The following DNAH3 variants were observed in gnomAD, a reference collection of about 807,000 sequenced individuals.
DNAH3 encodes the protein axonemal beta dynein heavy chain 3.
Under a neutral mutation model 432.5 loss-of-function variants are expected in DNAH3, and 332 were observed. The ratio of observed to expected loss-of-function variants is 0.77; its 90% CI spans 0.70 to 0.84. The LOEUF (loss-of-function observed/expected upper bound fraction) is 0.84, where lower values mean the gene tolerates loss of function less well. Ranked by LOEUF, DNAH3 falls within the 40% of genes least tolerant of loss-of-function variation. The probability of loss-of-function intolerance (pLI) is 0.00; values close to 1 mark genes in which losing one functional copy is unlikely to be tolerated. For synonymous variants in DNAH3, 1,956 were observed against 1,900.2 expected (o/e 1.03, Z -0.76); for missense variants, 4,861 against 5,114.0 (o/e 0.95, Z 1.51).
intron 57 of DNAH3, among the ~76,000 whole-genome samples, 183 bp downstream of exon 57, chr16:20,948,300 C>G (rs969977584): frequency 1.3e-5 from 2 of 151,462 alleles, no homozygotes; most frequent in Non-Finnish European, 2.9e-5. Context: ...TACCGACCCC[C>G]TCCTTAAACA....
At position 21,134,440 on chromosome 16, in the gene DNAH3, T is replaced by A. The variant is rs765799634; in HGVS notation, c.901A>T (p.Met301Leu). Reference sequence around the variant, plus strand: ...AGCCGTTTTCTCTCCATTGGGTCCATGAGGATGTAATCAACTACAACCGGA... The same window carrying A: ...AGCCGTTTTCTCTCCATTGGGTCCAAGAGGATGTAATCAACTACAACCGGA... Residue 301 changes from methionine (M) to leucine (L), a missense_variant, in exon 7 of 62, where the codon ATG (methionine) becomes TTG (leucine). Coordinates refer to ENST00000261383, the Ensembl canonical transcript of DNAH3. 53 of 1,613,880 alleles carry A rather than the reference T, an allele frequency of 3.3e-5. No homozygotes were observed. The highest frequency in any genetic ancestry group is 4.2e-5 in the Non-Finnish European group (49 of 1,179,958).
intron 41 of DNAH3, chr16:21,019,181 G>C (rs1379714330): frequency 9.3e-6 from 1 of 107,370 alleles, no homozygotes; most frequent in Non-Finnish European, 1.7e-5. Context: ...TTTTGAGACA[G>C]AGTCTAGCTC....
In DNAH3 at chr16:20,948,686, C is replaced by T. The variant is rs373747278; in HGVS notation, c.11189-49G>A. 1.0e-3 allele frequency: 1,597 copies of T among 1,600,990 alleles called. 2 individuals are homozygous for T. Among genetic ancestry groups the T allele is most frequent in the Non-Finnish European group, 1.0e-3 (1,181 of 1,170,202 alleles). On this transcript the variant is annotated intron_variant, in intron 56 of 61. Transcript: ENST00000261383. ...AGGTTGAGCCCAGGGAAGGTCATCA[C>T]GAGCTTGGTGGTTGATGTAAAACAC...
At chr16:21,050,095 C>G in intron 29 of DNAH3, 77 bp from the exon 30 acceptor site, 1 of 1,090,780 alleles carries the variant, frequency 9.2e-7, no homozygotes, top group Non-Finnish European at 1.3e-6. Context: ...TTTATTTTGA[C>G]TCATACAAAT....
intron 9 of DNAH3, among the ~76,000 whole-genome samples, chr16:21,123,157 G>T (rs1160540121): frequency 6.6e-6 from 1 of 152,160 alleles, no homozygotes; most frequent in African/African-American, 2.4e-5. Context: ...AAATGGAGTT[G>T]CTAATGAGCA....
chr16:21,010,543 G>A (rs2087542842), intron 41 of DNAH3, among the ~76,000 whole-genome samples: 1 of 152,154 alleles, frequency 6.6e-6, no homozygotes, highest in Non-Finnish European at 1.5e-5. Flanking sequence ...TCCCACAAGG[G>A]TCTGCTTGCT....
chr16:21,120,613 G>C, intron 11 of DNAH3: 1 of 728,538 alleles, frequency 1.4e-6, no homozygotes, highest in South Asian at 1.6e-5. Context: ...GGGGAACTCA[G>C]TCTACGTTGT....
intron 16 of DNAH3, among the ~76,000 whole-genome samples, chr16:21,100,538 T>C (rs1398766139): frequency 6.6e-6 from 1 of 152,230 alleles, no homozygotes; most frequent in Non-Finnish European, 1.5e-5. Flanking sequence ...TCTATCTGAA[T>C]CCTTAGGCTT....
At chr16:21,034,775 C>T (rs868829073) in intron 35 of DNAH3, among the ~76,000 whole-genome samples, 3 of 152,118 alleles carry the variant, frequency 2.0e-5, no homozygotes, top group Admixed American at 6.6e-5. Flanking sequence ...GTAGTGACAA[C>T]GGGAGTGGTA....
At chr16:21,154,096 T>TC (rs1159101230) in intron 1 of DNAH3, among the ~76,000 whole-genome samples, 3 of 152,146 alleles carry the variant, frequency 2.0e-5, no homozygotes, top group Non-Finnish European at 2.9e-5. Context: ...GCAACTGTAA[T>TC]CCAATGAAGT....
At chr16:21,101,813 C>T (rs1487662212) in intron 16 of DNAH3, among the ~76,000 whole-genome samples, 1 of 152,210 alleles carries the variant, frequency 6.6e-6, no homozygotes, top group Non-Finnish European at 1.5e-5. Context: ...GCTAGCTACT[C>T]TCCCACCTCC....
chr16:21,003,085 C>A lies in DNAH3; in HGVS notation c.6126+19G>T. On this transcript the variant is annotated intron_variant, in intron 42 of 61. Transcript: ENST00000261383. ...GATTCTGGAAACCAAAGTTCCATGG[C>A]CAATGATTCTCTTTATACCTTTGCA... is the stretch of plus-strand genomic sequence containing the variant. 6.7e-7 allele frequency: 1 copy of A among 1,494,200 alleles called. No individual in the cohort carries two copies. The highest frequency in any genetic ancestry group is 1.1e-5 in the South Asian group (1 of 87,706). The allele number at this position is 1,494,200 out of a possible 1,614,324, so 92.6% of individuals were successfully genotyped here.
At chr16:20,947,884 C>T (rs915793416) in intron 57 of DNAH3, among the ~76,000 whole-genome samples, 10 of 151,982 alleles carry the variant, frequency 6.6e-5, no homozygotes, top group African/African-American at 2.4e-4. Flanking sequence ...CAAGCAATTC[C>T]CCTGCCTCAG....
chr16:20,975,124 C>T, intron 51 of DNAH3, 109 bp downstream of exon 51: 1 of 1,351,052 alleles, frequency 7.4e-7, no homozygotes, highest in Non-Finnish European at 1.0e-6. Flanking sequence ...AGCCACCATG[C>T]CCAGCCTTGC....
At chr16:21,112,036 G>A (rs779985751) in exon 13 of DNAH3, 3 of 1,613,810 alleles carry the variant, frequency 1.9e-6, no homozygotes, top group Non-Finnish European at 2.5e-6. Context: ...CAGGAACGCA[G>A]CGATGTTTTG....
At chr16:21,060,975 C>A (rs950510463) in intron 25 of DNAH3, among the ~76,000 whole-genome samples, 2 of 151,722 alleles carry the variant, frequency 1.3e-5, no homozygotes, top group African/African-American at 4.8e-5. Flanking sequence ...GTAACTGGGA[C>A]TACAGGCACA....
Position 21,122,006 on chromosome 16 carries a change from C to G in DNAH3, c.1523G>C (p.Cys508Ser), listed in dbSNP as rs369677016. ...GAAAGAGTCACGTATTAATTCCCAGCAGCCATCAAAAGATGGATTGAAGAC... is the reference window on the plus strand; with the variant it reads ...GAAAGAGTCACGTATTAATTCCCAGGAGCCATCAAAAGATGGATTGAAGAC... The change falls in exon 10 of 62, where the codon TGC becomes TCC. Residue 508 changes from cysteine to serine, a missense_variant. Coordinates refer to ENST00000261383, the Ensembl canonical transcript of DNAH3. 14 of 1,613,734 alleles carry G rather than the reference C, an allele frequency of 8.7e-6. No individual in the cohort carries two copies. Among genetic ancestry groups the G allele is most frequent in the Non-Finnish European group, 1.2e-5 (14 of 1,179,882 alleles).
At chr16:21,136,264 A>G in intron 6 of DNAH3, 60 bp downstream of exon 7, 8 of 1,491,176 alleles carry the variant, frequency 5.4e-6, no homozygotes, top group Non-Finnish European at 7.4e-6. Flanking sequence ...AATAAAAATA[A>G]AAAAGAAGGT....
chr16:21,049,629 G>A (rs762332480), exon 31 of DNAH3: 3 of 1,614,174 alleles, frequency 1.9e-6, no homozygotes, highest in Middle Eastern at 3.3e-4. Context: ...GCCCCTTGAA[G>A]AACTTCCCCA....
Sources: gnomAD v4.1 joint callset for allele counts (sites outside exome capture counted in the v4.1 genomes callset) on GRCh38, gnomAD v4.1.1 for gene constraint, MANE v1.5 for transcripts, NCBI Gene and HGNC (gene_info 2026-07-23, HGNC 2026-07-21) for gene names.